KRABD5: variants seen among roughly 807,000 people sequenced by gnomAD.
KRABD5 encodes the protein KRAB domain-containing protein 5.
the KRABD5 span, chr16:31,754,986 G>A: frequency 4.3e-6 from 2 of 461,992 alleles, no homozygotes; most frequent in African/African-American, 2.0e-5. Flanking sequence ...TGTAGCAAAT[G>A]TTTTACTCAT....
chr16:31,731,349 T>G, the KRABD5 span, among the ~76,000 whole-genome samples: 3 of 109,480 alleles, frequency 2.7e-5, no homozygotes, highest in Non-Finnish European at 6.7e-5. Context: ...TCCCGTCTCT[T>G]CTCTGGGAAG....
At chr16:31,727,998 G>C in the KRABD5 span, among the ~76,000 whole-genome samples, 1 of 152,260 alleles carries the variant, frequency 6.6e-6, no homozygotes, top group South Asian at 2.1e-4. Flanking sequence ...TGGGACTACA[G>C]GGGTGTACCA....
chr16:31,750,029 T>TTAG, the KRABD5 span, among the ~76,000 whole-genome samples: 2 of 152,214 alleles, frequency 1.3e-5, no homozygotes, highest in Admixed American at 6.5e-5. Context: ...GGACTCTTAC[T>TTAG]TAGTTCCATA....
the KRABD5 span, chr16:31,757,326 A>G: frequency 6.6e-6 from 1 of 152,050 alleles, no homozygotes; most frequent in Non-Finnish European, 1.5e-5. Flanking sequence ...AATTAGCTGG[A>G]TGTGGTGGCA....
At chr16:31,725,620 C>G in the KRABD5 span, among the ~76,000 whole-genome samples, 13 of 152,212 alleles carry the variant, frequency 8.5e-5, no homozygotes, top group Admixed American at 7.9e-4. Flanking sequence ...AGTAGACATT[C>G]TAACGGTATG....
At chr16:31,756,913 A>G in the KRABD5 span, 1 of 152,230 alleles carries the variant, frequency 6.6e-6, no homozygotes, top group Non-Finnish European at 1.5e-5. Flanking sequence ...ATGGATCACA[A>G]CAGGAAACTG....
At chr16:31,741,779 G>A in the KRABD5 span, among the ~76,000 whole-genome samples, 3 of 152,030 alleles carry the variant, frequency 2.0e-5, no homozygotes, top group South Asian at 6.2e-4. Context: ...TTCTTTTGCT[G>A]TGCAGAAACT....
chr16:31,728,749 A>T, the KRABD5 span, among the ~76,000 whole-genome samples: 5 of 152,200 alleles, frequency 3.3e-5, no homozygotes, highest in South Asian at 1.0e-3. Flanking sequence ...TATTTCATGT[A>T]TTCTTAGAAG....
At chr16:31,737,486 GT>G in the KRABD5 span, among the ~76,000 whole-genome samples, 1 of 152,136 alleles carries the variant, frequency 6.6e-6, no homozygotes, top group Non-Finnish European at 1.5e-5. Context: ...TTGAGTTCAT[GT>G]TTGTAAATGT....
At chr16:31,731,297 TATG>T in the KRABD5 span, among the ~76,000 whole-genome samples, 1 of 152,196 alleles carries the variant, frequency 6.6e-6, no homozygotes, top group East Asian at 1.9e-4. Flanking sequence ...CAGTGGGTTT[TATG>T]GTTGACAGAC....
At chr16:31,732,166 A>G in the KRABD5 span, among the ~76,000 whole-genome samples, 1 of 152,222 alleles carries the variant, frequency 6.6e-6, no homozygotes, top group Non-Finnish European at 1.5e-5. Flanking sequence ...TCGGTTAAGG[A>G]CTTGTCCTCA....
chr16:31,735,118 T>C, the KRABD5 span, among the ~76,000 whole-genome samples: 1 of 152,106 alleles, frequency 6.6e-6, no homozygotes, highest in Admixed American at 6.6e-5. Flanking sequence ...CTTTCTTTTT[T>C]TCTTTCTTTC....
chr16:31,719,837 C>G, the KRABD5 span, among the ~76,000 whole-genome samples: 4 of 152,194 alleles, frequency 2.6e-5, no homozygotes, highest in Admixed American at 6.5e-5. Flanking sequence ...CAACCTTTTT[C>G]CATTCCTGCA....
chr16:31,759,430 T>C, the KRABD5 span: 2 of 1,533,838 alleles, frequency 1.3e-6, no homozygotes, highest in South Asian at 2.4e-5. Context: ...GACAAGTGAA[T>C]TTTCTGAGGG....
the KRABD5 span, among the ~76,000 whole-genome samples, chr16:31,716,987 GTCAGTCTTTGTTT>G: frequency 1.0e-4 from 14 of 140,052 alleles, no homozygotes; most frequent in African/African-American, 3.4e-4. Flanking sequence ...TCTTTTGTCA[GTCAGTCTTTGTTT>G]TTTTTTTTTT....
the KRABD5 span, chr16:31,759,564 A>G: frequency 1.0e-4 from 77 of 759,168 alleles, 1 homozygote; most frequent in African/African-American, 1.2e-3. Context: ...TCTTAAAAAA[A>G]TTAAATGGGT....
the KRABD5 span, among the ~76,000 whole-genome samples, chr16:31,720,610 T>TC: frequency 9.2e-5 from 14 of 152,274 alleles, no homozygotes; most frequent in African/African-American, 3.4e-4. Flanking sequence ...TTTACTTTTT[T>TC]CCCCCACTAA....
the KRABD5 span, among the ~76,000 whole-genome samples, chr16:31,734,276 G>A: frequency 1.3e-5 from 2 of 150,966 alleles, no homozygotes; most frequent in South Asian, 4.2e-4. Flanking sequence ...GTAGAGACAG[G>A]ATCTCACTGT....
chr16:31,729,429 G>A, the KRABD5 span, among the ~76,000 whole-genome samples: 1 of 152,170 alleles, frequency 6.6e-6, no homozygotes, highest in African/African-American at 2.4e-5. Flanking sequence ...GGCACGAGGG[G>A]GAGAGAGCTC....
Sources: allele counts gnomAD v4.1 joint callset (sites outside exome capture counted in the v4.1 genomes callset), GRCh38; gene constraint gnomAD v4.1.1; transcripts MANE v1.5; gene names NCBI Gene and HGNC (gene_info 2026-07-23, HGNC 2026-07-21).